The following BBC3 variants were observed in gnomAD, a reference collection of about 807,000 sequenced individuals.
The protein encoded by BBC3 is BCL2 binding component 3, also known as bcl-2-binding component 3.
In BBC3, 5 loss-of-function variants were observed where a neutral mutation model predicts 18.2. The ratio of observed to expected loss-of-function variants is 0.27; its 90% CI spans 0.14 to 0.58. The LOEUF is 0.58. BBC3 is among the 20% of genes least tolerant of loss of function. The pLI is 0.91. For missense variants in BBC3, 224 were observed against 268.9 expected (o/e 0.83, Z 1.17); for synonymous variants, 119 against 128.0 (o/e 0.93, Z 0.47).
intron 1 of BBC3, among the ~76,000 whole-genome samples, chr19:47,229,647 A>AACACACAC (rs142740252): frequency 6.8e-6 from 1 of 147,774 alleles, no homozygotes; most frequent in African/African-American, 2.5e-5. Flanking sequence ...CCTCAGACCC[A>AACACACAC]ACACACACAC....
At position 47,226,555 on chromosome 19, in the gene BBC3, A is replaced by G; in HGVS notation, c.465+9T>C. 1.9e-6 allele frequency: 3 copies of G among 1,541,444 alleles called. No homozygotes were observed. The highest frequency in any genetic ancestry group is 2.7e-5 in the East Asian group (1 of 37,588). ...CCCACCTGCCGTCTACCCCACCCCC[A>G]GCACTCACCCGCCGCTCGTACTGTG... On this transcript the variant is annotated intron_variant, in intron 3 of 3. Coordinates refer to ENST00000439096, the MANE Select transcript of BBC3 (RefSeq NM_014417.5).
chr19:47,222,772 C>A (rs2058766354), intron 3 of BBC3, among the ~76,000 whole-genome samples: 1 of 148,900 alleles, frequency 6.7e-6, no homozygotes, highest in Non-Finnish European at 1.5e-5. Flanking sequence ...TTGAGACCAG[C>A]CTGACCTACA....
upstream of BBC3, among the ~76,000 whole-genome samples, chr19:47,231,377 T>G (rs2058914001): frequency 6.6e-6 from 1 of 150,614 alleles, no homozygotes; most frequent in Non-Finnish European, 1.5e-5. This position sits in a 1 kb window ranked among gnomAD's most constrained non-coding sequence, Gnocchi z 4.0. Flanking sequence ...GCGCCGGGGG[T>G]TTCCCTGCAG....
upstream of BBC3, among the ~76,000 whole-genome samples, chr19:47,232,238 C>G (rs1423603786): frequency 6.6e-6 from 1 of 152,200 alleles, no homozygotes; most frequent in African/African-American, 2.4e-5. Context: ...GTAATCCCAG[C>G]TACTTGGGAG....
At chr19:47,226,252 CGCGCCGCCCA>C (rs1241934929) in intron 3 of BBC3, among the ~76,000 whole-genome samples, 1 of 151,706 alleles carries the variant, frequency 6.6e-6, no homozygotes, top group Non-Finnish European at 1.5e-5. Flanking sequence ...ATATATGAGC[CGCGCCGCCCA>C]GCGCCGCCCT....
intron 3 of BBC3, among the ~76,000 whole-genome samples, chr19:47,222,926 A>G (rs1480933137): frequency 3.8e-5 from 5 of 132,150 alleles, no homozygotes; most frequent in African/African-American, 1.4e-4. Flanking sequence ...AGATCGTGCC[A>G]TTGCACTCCA....
chr19:47,232,557 G>A (rs766116332), upstream of BBC3: 3 of 1,548,792 alleles, frequency 1.9e-6, no homozygotes, highest in East Asian at 7.4e-5. Context: ...GCAGCCCTGG[G>A]CACCTGGCAT....
chr19:47,231,036 T>A lies in BBC3; in HGVS notation c.-123A>T, dbSNP rs1022465519. The A allele has an allele frequency of 1.6e-5, 16 of 980,968 alleles. No homozygotes were observed. The highest frequency in any genetic ancestry group is 1.9e-5 in the Non-Finnish European group (16 of 825,296). The allele number at this position is 980,968 out of a possible 1,614,324, so 60.8% of individuals were successfully genotyped here. ...TCTCCGCGGCGGCTGCTGCTGTGGC[T>A]GTCGCTGCTGCTGCCGCTCTAACTG... On this transcript the variant is annotated 5_prime_UTR_variant, in exon 1 of 4. Transcript: ENST00000439096. This position sits in a 1 kb window ranked among gnomAD's most constrained non-coding sequence, Gnocchi z 4.0.
intron 3 of BBC3, 129 bp from the exon 4 acceptor site, chr19:47,222,047 G>A: frequency 1.2e-6 from 1 of 821,652 alleles, no homozygotes; most frequent in Non-Finnish European, 1.8e-6. Flanking sequence ...CCCCCGCCTG[G>A]GCTAATGTCC....
upstream of BBC3, among the ~76,000 whole-genome samples, chr19:47,232,086 T>C (rs2058920541): frequency 6.6e-6 from 1 of 152,174 alleles, no homozygotes; most frequent in Admixed American, 6.5e-5. Context: ...ACACGGTGGC[T>C]CATGCCTGTA....
At chr19:47,226,235 G>T (rs1389818051) in intron 3 of BBC3, among the ~76,000 whole-genome samples, 1 of 151,624 alleles carries the variant, frequency 6.6e-6, no homozygotes. Flanking sequence ...GCTATAAATA[G>T]CCCGGGATAT....
At chr19:47,225,575 C>G (rs1475784529) in intron 3 of BBC3, among the ~76,000 whole-genome samples, 1 of 150,938 alleles carries the variant, frequency 6.6e-6, no homozygotes, top group Non-Finnish European at 1.5e-5. Context: ...CCAGGCTGGT[C>G]TGGAACTCCT....
rs1290475108 is a variant in BBC3 at position 47,231,034 on chromosome 19, G to A, written c.-121C>T. ...GCTCTCCGCGGCGGCTGCTGCTGTG[G>A]CTGTCGCTGCTGCTGCCGCTCTAAC... On this transcript the variant is annotated 5_prime_UTR_variant, in exon 1 of 4. Coordinates refer to ENST00000439096, the MANE Select transcript of BBC3 (RefSeq NM_014417.5). The surrounding 1 kb of genome is among the most constrained non-coding windows in gnomAD (Gnocchi z 4.0). 6 of 981,408 alleles carry A rather than the reference G, an allele frequency of 6.1e-6. No homozygotes were observed. Among genetic ancestry groups the A allele is most frequent in the Non-Finnish European group, 7.3e-6 (6 of 825,644 alleles). The allele number at this position is 981,408 out of a possible 1,614,324, so 60.8% of individuals were successfully genotyped here. A position where few individuals can be genotyped will look rare whatever the true frequency, so the allele number is the denominator to read the frequency against.
At chr19:47,222,164 T>C (rs1201784318) in intron 3 of BBC3, 1 of 443,032 alleles carries the variant, frequency 2.3e-6, no homozygotes, top group Admixed American at 4.1e-5. Flanking sequence ...GCGTGGCACA[T>C]TAGCTGTGAC....
In BBC3 at chr19:47,221,671, C is replaced by G. The variant is rs762694025; in HGVS notation, c.*131G>C. 3 of 1,528,358 alleles carry G rather than the reference C, an allele frequency of 2.0e-6. No homozygotes were observed. Among genetic ancestry groups the G allele is most frequent in the African/African-American group, 1.4e-5 (1 of 71,248 alleles). The allele number at this position is 1,528,358 out of a possible 1,614,324, so 94.7% of individuals were successfully genotyped here. ...TGGAGTGGCTGCCCCGGCCCGCCCC[C>G]GGGACAGGCAGGGCTGGGAGTCCAG... On this transcript the variant is annotated 3_prime_UTR_variant, in exon 4 of 4. Transcript: ENST00000439096.
intron 3 of BBC3, among the ~76,000 whole-genome samples, chr19:47,224,706 A>T (rs1257411003): frequency 1.3e-5 from 2 of 151,990 alleles, no homozygotes; most frequent in East Asian, 3.8e-4. Flanking sequence ...ATCCAACAGA[A>T]TACTATGTAG....
At chr19:47,226,813 T>C in intron 2 of BBC3, 59 bp from the exon 3 acceptor site, 1 of 1,309,696 alleles carries the variant, frequency 7.6e-7, no homozygotes, top group Non-Finnish European at 9.9e-7. Context: ...TCGAGGTGTC[T>C]CGGCCTGCTC....
At position 47,228,069 on chromosome 19, in the gene BBC3, C is replaced by A. The variant is rs1038401554; in HGVS notation, c.274+89G>T. 2.6e-5 allele frequency: 28 copies of A among 1,073,008 alleles called. No individual in the cohort carries two copies. Among genetic ancestry groups the A allele is most frequent in the Non-Finnish European group, 2.8e-5 (24 of 850,810 alleles). The allele number at this position is 1,073,008 out of a possible 1,614,324, so 66.5% of individuals were successfully genotyped here. On this transcript the variant is annotated intron_variant, in intron 2 of 3. Transcript: ENST00000439096. This position sits in a 1 kb window ranked among gnomAD's most constrained non-coding sequence, Gnocchi z 5.5. ...GCCCGGCTGGGCCCGCCACCTCCCC[C>A]CGTCCTCTCCCACTTCTCCAGTTCC...
At chr19:47,226,441 G>T in intron 3 of BBC3, 123 bp downstream of exon 3, 2 of 804,412 alleles carry the variant, frequency 2.5e-6, no homozygotes, top group South Asian at 4.6e-5. Context: ...CCCCCCACCT[G>T]CCTGTCCGCG....
Sources: gnomAD v4.1 joint callset for allele counts (sites outside exome capture counted in the v4.1 genomes callset) on GRCh38, gnomAD v4.1.1 for gene constraint, Gnocchi (gnomAD v3.1) non-coding constraint, MANE v1.5 for transcripts, NCBI Gene and HGNC (gene_info 2026-07-23, HGNC 2026-07-21) for gene names.